RCSD1: variants seen among roughly 807,000 people sequenced by gnomAD.
The protein encoded by RCSD1 is RCSD domain containing 1, also known as capZ-interacting protein.
Under a neutral mutation model 42.5 loss-of-function variants are expected in RCSD1, and 26 were observed. The ratio of observed to expected loss-of-function variants is 0.61; its 90% CI spans 0.45 to 0.85. RCSD1 has a LOEUF of 0.85. Ranked by LOEUF, RCSD1 falls within the 40% of genes least tolerant of loss-of-function variation. The pLI is 0.00. For synonymous variants in RCSD1, 220 were observed against 212.2 expected, an observed-to-expected ratio of 1.04 and a Z score of -0.32; for missense variants, 571 against 528.3, an observed-to-expected ratio of 1.08 and a Z score of -0.79.
At chr1:167,685,753 A>G (rs1571096441) in intron 3 of RCSD1, among the ~76,000 whole-genome samples, 1 of 151,994 alleles carries the variant, frequency 6.6e-6, no homozygotes, top group Admixed American at 6.6e-5. Flanking sequence ...CACGAACACT[A>G]TTTTCCAAGC....
chr1:167,638,108 G>C (rs1657907299), intron 1 of RCSD1, among the ~76,000 whole-genome samples: 1 of 152,188 alleles, frequency 6.6e-6, no homozygotes, highest in Non-Finnish European at 1.5e-5. Context: ...CAATGCGTGA[G>C]CTAAATGTAC....
At chr1:167,649,230 C>T (rs572461745) in intron 1 of RCSD1, among the ~76,000 whole-genome samples, 17 of 152,172 alleles carry the variant, frequency 1.1e-4, no homozygotes, top group Non-Finnish European at 1.9e-4. Context: ...GAGGAAGTAG[C>T]GTGAAAGAGG....
At chr1:167,690,339 T>G (rs1659346154) in intron 4 of RCSD1, among the ~76,000 whole-genome samples, 1 of 152,128 alleles carries the variant, frequency 6.6e-6, no homozygotes, top group Non-Finnish European at 1.5e-5. Context: ...CACAAGCTCA[T>G]GTATTTGACA....
At chr1:167,657,252 T>C (rs939667972) in intron 1 of RCSD1, among the ~76,000 whole-genome samples, 4 of 152,230 alleles carry the variant, frequency 2.6e-5, no homozygotes, top group Admixed American at 6.5e-5. Context: ...ACCAGGGATA[T>C]AGATGGATCT....
chr1:167,691,470 A>G (rs535743623), intron 4 of RCSD1, among the ~76,000 whole-genome samples: 1 of 152,344 alleles, frequency 6.6e-6, no homozygotes, highest in Non-Finnish European at 1.5e-5. Context: ...CAGGCATGTT[A>G]TGTCCAGGTG....
chr1:167,688,968 C>T (rs1659307789), intron 3 of RCSD1, among the ~76,000 whole-genome samples: 1 of 152,170 alleles, frequency 6.6e-6, no homozygotes, highest in African/African-American at 2.4e-5. Flanking sequence ...TTACGCAAAA[C>T]ACAGAGTTAA....
rs1408130013 is a variant in RCSD1, at chr1:167,685,572, A to T, written c.198+62A>T. 2.1e-6 allele frequency: 3 copies of T among 1,452,088 alleles called. No homozygotes were observed. The East Asian group carries it at 6.9e-5, about 34-fold the overall frequency. The allele number at this position is 1,452,088 out of a possible 1,614,324, so 90.0% of individuals were successfully genotyped here. A position where few individuals can be genotyped will look rare whatever the true frequency, so the allele number is the denominator to read the frequency against. ...TGGGTTTTCTTTCCTCTTCTTGAGG[A>T]AAGTTTGGAGGAGGGGGCACCAAAC... On this transcript the variant is annotated intron_variant, in intron 3 of 6. Coordinates refer to ENST00000367854, the MANE Select transcript of RCSD1 (RefSeq NM_052862.4).
rs535942486 is a variant in RCSD1, at chr1:167,707,018, T to C, written c.*2322T>C. On this transcript the variant is annotated 3_prime_UTR_variant, in exon 7 of 7. Transcript: ENST00000367854. ...AGCAACAGAGTTAAAGAAATAGTCA[T>C]AGTCATTCTTCCACGATCTTTGTAG... Among the ~76,000 whole-genome samples, 6 of 152,214 alleles carry C rather than the reference T, an allele frequency of 3.9e-5. No individual in the cohort carries two copies. Among genetic ancestry groups the C allele is most frequent in the Non-Finnish European group, 7.3e-5 (5 of 68,030 alleles).
intron 6 of RCSD1, among the ~76,000 whole-genome samples, chr1:167,698,706 G>GCATT (rs1446728574): frequency 1.5e-4 from 23 of 151,894 alleles, no homozygotes; most frequent in Admixed American, 1.5e-3. Flanking sequence ...TTTTGTTAGT[G>GCATT]CATTCATTCA....
At chr1:167,638,101 T>C (rs898495382) in intron 1 of RCSD1, among the ~76,000 whole-genome samples, 6 of 152,192 alleles carry the variant, frequency 3.9e-5, no homozygotes, top group African/African-American at 1.4e-4. Context: ...TCATTCCCAA[T>C]GCGTGAGCTA....
At chr1:167,694,458 T>C (rs893529629) in intron 5 of RCSD1, among the ~76,000 whole-genome samples, 156 bp downstream of exon 5, 2 of 152,160 alleles carry the variant, frequency 1.3e-5, no homozygotes, top group African/African-American at 4.8e-5. Flanking sequence ...CTCCTCTCCT[T>C]TGCAAATGAT....
In RCSD1 at chr1:167,704,774, G is replaced by C; in HGVS notation, c.*78G>C. ...GGTAGCAGCAACAGTTGTAGCAGCA[G>C]CAGACGAAGCCATTGCAGAGGCAGA... On this transcript the variant is annotated 3_prime_UTR_variant, in exon 7 of 7. Coordinates refer to ENST00000367854, the MANE Select transcript of RCSD1 (RefSeq NM_052862.4). The C allele has an allele frequency of 7.0e-7, 1 of 1,426,030 alleles. No homozygotes were observed. Among genetic ancestry groups the C allele is most frequent in the Non-Finnish European group, 9.8e-7 (1 of 1,015,430 alleles). 88.3% of individuals were successfully genotyped at this position (1,426,030 alleles called of 1,614,324 possible).
chr1:167,662,229 G>GA (rs756041319), intron 1 of RCSD1, among the ~76,000 whole-genome samples: 11 of 152,210 alleles, frequency 7.2e-5, no homozygotes, highest in Non-Finnish European at 1.6e-4. Flanking sequence ...TAACAGGAAA[G>GA]AAAACAAAAT....
rs141798306 is a variant in RCSD1 at position 167,644,366 on chromosome 1, C to T, written c.6+13937C>T. Among the ~76,000 whole-genome samples, 686 of 152,192 alleles carry T rather than the reference C, an allele frequency of 4.5e-3. 7 individuals are homozygous for T. Among genetic ancestry groups the T allele is most frequent in the African/African-American group, 0.016 (655 of 41,504 alleles). On this transcript the variant is annotated intron_variant, in intron 1 of 6. Transcript: ENST00000367854. Reference sequence around the variant, plus strand: ...TGGTGGTGTGCGCCTATAATCCCACCTACTCAGGAGGCTGAGACAGGAGAA... The same window carrying T: ...TGGTGGTGTGCGCCTATAATCCCACTTACTCAGGAGGCTGAGACAGGAGAA...
At chr1:167,681,214 A>G (rs1659074766) in intron 1 of RCSD1, among the ~76,000 whole-genome samples, 1 of 152,228 alleles carries the variant, frequency 6.6e-6, no homozygotes, top group South Asian at 2.1e-4. Context: ...ACTGATGTCC[A>G]TTACTGGAGT....
chr1:167,707,910 G>A lies in RCSD1; in HGVS notation c.*3214G>A, dbSNP rs989775238. ...CAGGTTTCACTATGTTGGCCAGGCTGGTCTCAAACTCCTGGCCTCTAGTGA... is the reference window on the plus strand; with the variant it reads ...CAGGTTTCACTATGTTGGCCAGGCTAGTCTCAAACTCCTGGCCTCTAGTGA... On this transcript the variant is annotated 3_prime_UTR_variant, in exon 7 of 7. Coordinates refer to ENST00000367854, the MANE Select transcript of RCSD1 (RefSeq NM_052862.4). 2.0e-5 allele frequency among the ~76,000 whole-genome samples: 3 copies of A among 152,306 alleles called. No homozygotes were observed. The highest frequency in any genetic ancestry group is 4.1e-4 in the South Asian group (2 of 4,824).
At chr1:167,645,510 A>G (rs1479505633) in intron 1 of RCSD1, among the ~76,000 whole-genome samples, 3 of 152,234 alleles carry the variant, frequency 2.0e-5, no homozygotes, top group African/African-American at 7.2e-5. Context: ...AGGCTGGGGA[A>G]TTTCACAGAG....
chr1:167,630,307 C>A lies in RCSD1; in HGVS notation c.-117C>A. ...CGGGCGCGCGCCACCGCCCACTCGC[C>A]CTGTGCCCGCCGCAGCCCGAAACTG... On this transcript the variant is annotated 5_prime_UTR_variant, in exon 1 of 7. Transcript: ENST00000367854. The A allele has an allele frequency of 8.4e-7, 1 of 1,185,670 alleles. No individual in the cohort carries two copies. The highest frequency in any genetic ancestry group is 3.6e-5 in the South Asian group (1 of 28,010). The allele number at this position is 1,185,670 out of a possible 1,614,324, so 73.4% of individuals were successfully genotyped here.
Position 167,697,369 on chromosome 1 carries a change from CAGG to C in RCSD1, c.753_755del (p.Glu251del). On this transcript the variant is annotated inframe_deletion, in exon 6 of 7. Coordinates refer to ENST00000367854, the MANE Select transcript of RCSD1 (RefSeq NM_052862.4). ...GAGGTCACCCAGCAGGACAGAGAAGCAGGAGGAGGACAGGGCCACAGAGGAAGC... is the reference window on the plus strand; with the variant it reads ...GAGGTCACCCAGCAGGACAGAGAAGCAGGAGGACAGGGCCACAGAGGAAGC... 2 of 1,613,938 alleles carry C rather than the reference CAGG, an allele frequency of 1.2e-6. No individual in the cohort carries two copies. The highest frequency in any genetic ancestry group is 2.2e-5 in the South Asian group (2 of 91,074).
Sources: allele counts gnomAD v4.1 joint callset (sites outside exome capture counted in the v4.1 genomes callset), GRCh38; gene constraint gnomAD v4.1.1; transcripts MANE v1.5; gene names NCBI Gene and HGNC (gene_info 2026-07-23, HGNC 2026-07-21).